Variants in PKD2 observed in about 807,000 individuals in gnomAD.
PKD2 encodes the protein polycystin-2.
Under a neutral mutation model 105.9 loss-of-function variants are expected in PKD2, and 48 were observed. The observed-to-expected ratio is 0.45, with a 90% CI of 0.36 to 0.58. The LOEUF (loss-of-function observed/expected upper bound fraction) is 0.58, where lower values mean the gene tolerates loss of function less well. PKD2 is among the 20% of genes least tolerant of loss of function. The probability of loss-of-function intolerance (pLI) is 0.00; values close to 1 mark genes in which losing one functional copy is unlikely to be tolerated. For synonymous variants in PKD2, 464 were observed against 481.1 expected, an observed-to-expected ratio of 0.96 and a Z score of 0.46; for missense variants, 1,078 against 1,255.3, an observed-to-expected ratio of 0.86 and a Z score of 2.13.
chr4:88,063,519 G>A (rs1264075525), intron 10 of PKD2, among the ~76,000 whole-genome samples: 3 of 144,852 alleles, frequency 2.1e-5, no homozygotes, highest in African/African-American at 7.6e-5. Context: ...TAACAAGAGC[G>A]AAACTCCGTC....
At position 88,020,923 on chromosome 4, in the gene PKD2, T is replaced by C. The variant is rs11946269; in HGVS notation, c.709+1352T>C. Among the ~76,000 whole-genome samples, 365 of 152,226 alleles carry C rather than the reference T, an allele frequency of 2.4e-3. 3 individuals carry two copies. Among genetic ancestry groups the C allele is most frequent in the African/African-American group, 8.4e-3 (350 of 41,540 alleles). On this transcript the variant is annotated intron_variant, in intron 2 of 14. Transcript: ENST00000237596. ...CCTATACTGGTCTCCAGCTCCTAGC[T>C]TCAAGTGATCCTCCTGCCTTGGAAG...
rs76770744 is a variant in PKD2, at chr4:88,067,441, A to G, written c.2359-457A>G. ...AGGCTCAAGTGATCTTCCGACCTCA[A>G]CCTCCCAGGTAGCTCAGGTAGCTGG... On this transcript the variant is annotated intron_variant, in intron 12 of 14. Transcript: ENST00000237596. Among the ~76,000 whole-genome samples the G allele has an allele frequency of 3.1e-3, 468 of 152,042 alleles. 8 individuals are homozygous for G. The East Asian group carries it at 0.054, about 17-fold the overall frequency.
chr4:88,072,803 C>G (rs116237853), intron 13 of PKD2, among the ~76,000 whole-genome samples: 2,984 of 151,986 alleles, frequency 0.02, 45 homozygotes, highest in Non-Finnish European at 0.028. Flanking sequence ...TTTGGGAGGT[C>G]AAGGCAGGAG....
intron 2 of PKD2, among the ~76,000 whole-genome samples, chr4:88,021,178 C>T (rs547890766): frequency 1.3e-5 from 2 of 152,254 alleles, no homozygotes; most frequent in South Asian, 4.2e-4. Flanking sequence ...AAGGTAACCC[C>T]TGTACGTAAG....
At chr4:88,044,245 C>G (rs561348885) in intron 5 of PKD2, among the ~76,000 whole-genome samples, 3 of 152,186 alleles carry the variant, frequency 2.0e-5, no homozygotes, top group African/African-American at 7.2e-5. Context: ...GTAATAGGTA[C>G]TATTAAAAAG....
intron 2 of PKD2, among the ~76,000 whole-genome samples, chr4:88,026,676 G>A (rs1726967552): frequency 6.6e-6 from 1 of 152,188 alleles, no homozygotes; most frequent in African/African-American, 2.4e-5. Flanking sequence ...ATGTCTCCAG[G>A]GCGTTTCAGA....
At chr4:88,018,372 T>TA (rs1161185626) in intron 1 of PKD2, among the ~76,000 whole-genome samples, 2 of 152,230 alleles carry the variant, frequency 1.3e-5, no homozygotes, top group Non-Finnish European at 2.9e-5. Flanking sequence ...GGCCTTATGC[T>TA]ATTTTTTCCC....
Position 88,065,885 on chromosome 4 carries a change from T to C in PKD2, c.2358+6T>C, listed in dbSNP as rs1560626722. On this transcript the variant is annotated splice_donor_region_variant and intron_variant, in intron 12 of 14. Transcript: ENST00000237596. Reference sequence around the variant, plus strand: ...ACGACTTGGAGAAAGAGAGGGTGGGTCTGGTTTAGGAGAACCGGATTTGAT... The same window carrying C: ...ACGACTTGGAGAAAGAGAGGGTGGGCCTGGTTTAGGAGAACCGGATTTGAT... 2.0e-6 allele frequency: 3 copies of C among 1,532,788 alleles called. No homozygotes were observed. In the Admixed American group the frequency reaches 5.0e-5, roughly 26 times the overall value. 94.9% of individuals were successfully genotyped at this position (1,532,788 alleles called of 1,614,324 possible).
intron 7 of PKD2, among the ~76,000 whole-genome samples, chr4:88,054,493 G>A (rs976348918): frequency 6.6e-6 from 1 of 151,714 alleles, no homozygotes; most frequent in Admixed American, 6.6e-5. Context: ...ATATTTCACT[G>A]TGGCCAGTAA....
At chr4:88,021,839 C>A (rs141780423) in intron 2 of PKD2, among the ~76,000 whole-genome samples, 55 of 152,304 alleles carry the variant, frequency 3.6e-4, no homozygotes, top group African/African-American at 1.3e-3. Context: ...AGACAAATAC[C>A]TAATCTCCTC....
intron 6 of PKD2, among the ~76,000 whole-genome samples, 156 bp from the exon 7 acceptor site, chr4:88,051,835 C>G (rs1048440582): frequency 6.6e-6 from 1 of 152,154 alleles, no homozygotes; most frequent in African/African-American, 2.4e-5. Flanking sequence ...TTAACACTTT[C>G]CATTTGAGTG....
At chr4:88,059,317 C>T (rs1720474054) in intron 9 of PKD2, among the ~76,000 whole-genome samples, 1 of 152,104 alleles carries the variant, frequency 6.6e-6, no homozygotes, top group African/African-American at 2.4e-5. Flanking sequence ...TTCTTCCTAT[C>T]ATATATTAAA....
At chr4:88,050,327 C>T (rs1720019533) in intron 6 of PKD2, among the ~76,000 whole-genome samples, 1 of 152,072 alleles carries the variant, frequency 6.6e-6, no homozygotes, top group Admixed American at 6.6e-5. Flanking sequence ...ATGTACTTGC[C>T]ACTGTTCTAG....
chr4:88,034,736 T>C (rs1300114676), intron 2 of PKD2, among the ~76,000 whole-genome samples: 1 of 151,522 alleles, frequency 6.6e-6, no homozygotes, highest in Non-Finnish European at 1.5e-5. Context: ...TACTAAATAG[T>C]ACTTAATCCC....
At position 88,038,287 on chromosome 4, in the gene PKD2, A is replaced by C. The variant is rs773443663; in HGVS notation, c.880A>C (p.Lys294Gln). 6.2e-7 allele frequency: 1 copy of C among 1,613,284 alleles called. No individual in the cohort carries two copies. Among genetic ancestry groups the C allele is most frequent in the Non-Finnish European group, 8.5e-7 (1 of 1,179,240 alleles). ...CTCCTTATTGGATGGGCTGTACTGG[A>C]AGATGCAGCCCAGCAACCAGACTGA... ...EGSLLDGLYW[K>Q]MQPSNQTEAD... The change falls in exon 4 of 15, where the codon AAG becomes CAG. Residue 294 changes from lysine to glutamine, a missense_variant. Around this residue, in one of 2 missense-constraint regions of PKD2, gnomAD observed 868 missense variants for 1,067.3 expected, o/e 0.81. Transcript: ENST00000237596.
chr4:88,055,747 G>A (rs1371454313), intron 7 of PKD2, among the ~76,000 whole-genome samples: 1 of 151,220 alleles, frequency 6.6e-6, no homozygotes, highest in Non-Finnish European at 1.5e-5. Flanking sequence ...TGCAGCCATC[G>A]CCATTATGCT....
At chr4:88,064,091 G>A (rs1387328582) in intron 10 of PKD2, among the ~76,000 whole-genome samples, 1 of 152,212 alleles carries the variant, frequency 6.6e-6, no homozygotes, top group African/African-American at 2.4e-5. Context: ...GGAGGCGGAG[G>A]TTGCAGTAAG....
intron 4 of PKD2, 97 bp downstream of exon 4, chr4:88,038,598 G>A (rs903515106): frequency 1.4e-5 from 19 of 1,329,436 alleles, no homozygotes; most frequent in Non-Finnish European, 1.8e-5. Context: ...CCTTCACCAA[G>A]GCAAAAATAA....
At chr4:88,026,795 A>G (rs1440409926) in intron 2 of PKD2, among the ~76,000 whole-genome samples, 1 of 152,224 alleles carries the variant, frequency 6.6e-6, no homozygotes, top group Non-Finnish European at 1.5e-5. Context: ...GCCTTGGGAC[A>G]TGGCACCCTG....
Sources: gnomAD v4.1 joint callset for allele counts (sites outside exome capture counted in the v4.1 genomes callset) on GRCh38, gnomAD v4.1.1 for gene constraint, gnomAD v4.1.1 regional missense constraint, MANE v1.5 for transcripts, NCBI Gene and HGNC (gene_info 2026-07-23, HGNC 2026-07-21) for gene names.